NAA15: variants seen among roughly 807,000 people sequenced by gnomAD.
NAA15 encodes N-terminal acetyltransferase.
NAA15 carries 34 observed loss-of-function variants against 114.0 expected under a neutral mutation model. The ratio of observed to expected loss-of-function variants is 0.30; its 90% CI spans 0.23 to 0.40. The LOEUF (loss-of-function observed/expected upper bound fraction) is 0.40, where lower values mean the gene tolerates loss of function less well. NAA15 is among the 10% of genes least tolerant of loss of function. The probability of loss-of-function intolerance (pLI) is 1.00; values close to 1 mark genes in which losing one functional copy is unlikely to be tolerated. For missense variants in NAA15, 658 were observed against 1,004.5 expected (o/e 0.66, Z 4.66); for synonymous variants, 340 against 338.0 (o/e 1.01, Z -0.06).
At chr4:139,302,233 A>G in intron 1 of NAA15, 1 of 195,278 alleles carries the variant, frequency 5.1e-6, no homozygotes, top group Non-Finnish European at 1.0e-5. Flanking sequence ...TGGAAGGAAC[A>G]GGTGGTGCGG....
rs1407187137 is a variant in NAA15 at position 139,388,585 on chromosome 4, G to A, written c.*501G>A. ...TCTGACCATAGGAAGTATGCAATGTGAATCACTATTTACAGAGAAACCTAC... is the reference window on the plus strand; with the variant it reads ...TCTGACCATAGGAAGTATGCAATGTAAATCACTATTTACAGAGAAACCTAC... On this transcript the variant is annotated 3_prime_UTR_variant, in exon 20 of 20. Transcript: ENST00000296543. The A allele has an allele frequency of 6.5e-6, 1 of 154,924 alleles. No individual in the cohort carries two copies. The highest frequency in any genetic ancestry group is 1.9e-4 in the East Asian group (1 of 5,228). The allele number at this position is 154,924 out of a possible 1,614,324, so 9.6% of individuals were successfully genotyped here.
At chr4:139,371,790 CT>C (rs1748447645) in intron 15 of NAA15, among the ~76,000 whole-genome samples, 1 of 152,136 alleles carries the variant, frequency 6.6e-6, no homozygotes. Flanking sequence ...ATTACTACTA[CT>C]TTTACCACCT....
intron 15 of NAA15, among the ~76,000 whole-genome samples, chr4:139,371,497 G>GCGCGCACA (rs1389164527): frequency 1.8e-5 from 2 of 113,664 alleles, no homozygotes; most frequent in African/African-American, 6.3e-5. Context: ...AAGAAAAGTA[G>GCGCGCACA]CACACACACA....
intron 11 of NAA15, among the ~76,000 whole-genome samples, chr4:139,359,020 G>T (rs1401732230): frequency 6.6e-6 from 1 of 151,606 alleles, no homozygotes; most frequent in Non-Finnish European, 1.5e-5. Context: ...CAGGAGAATT[G>T]CTTGAACCCG....
intron 10 of NAA15, chr4:139,356,459 T>G (rs909747599): frequency 6.6e-6 from 1 of 152,194 alleles, no homozygotes; most frequent in African/African-American, 2.4e-5. Context: ...TTTCATTGGT[T>G]AATCATCATA....
intron 1 of NAA15, among the ~76,000 whole-genome samples, chr4:139,314,878 A>G (rs1176222831): frequency 6.6e-6 from 1 of 151,704 alleles, no homozygotes; most frequent in South Asian, 2.1e-4. Flanking sequence ...GGATTTCACC[A>G]TGTTGGCCAC....
chr4:139,372,125 C>T (rs1748460264), intron 15 of NAA15, among the ~76,000 whole-genome samples: 1 of 152,092 alleles, frequency 6.6e-6, no homozygotes, highest in Non-Finnish European at 1.5e-5. Flanking sequence ...ACTGTGTTAG[C>T]TAGGATGGTC....
At chr4:139,335,894 G>C (rs1313819149) in intron 2 of NAA15, among the ~76,000 whole-genome samples, 1 of 151,664 alleles carries the variant, frequency 6.6e-6, no homozygotes, top group Non-Finnish European at 1.5e-5. Context: ...CAACTAGCTG[G>C]CATTACAGGT....
chr4:139,325,042 C>G (rs990186830), intron 1 of NAA15, among the ~76,000 whole-genome samples: 2 of 152,056 alleles, frequency 1.3e-5, no homozygotes, highest in African/African-American at 4.8e-5. Flanking sequence ...GGATCTAAAA[C>G]TCAGTTACTG....
intron 17 of NAA15, 178 bp downstream of exon 17, chr4:139,379,032 A>G: frequency 4.6e-6 from 2 of 431,838 alleles, no homozygotes; most frequent in South Asian, 1.2e-4. Flanking sequence ...TAAGGATACA[A>G]GTATTACCTG....
At chr4:139,360,300 G>A (rs1748091669) in intron 12 of NAA15, among the ~76,000 whole-genome samples, 200 bp from the exon 13 acceptor site, 1 of 152,080 alleles carries the variant, frequency 6.6e-6, no homozygotes, top group Non-Finnish European at 1.5e-5. Context: ...AAGTTTCACA[G>A]TTTCACCTGT....
At chr4:139,317,691 T>A (rs1746460731) in intron 1 of NAA15, among the ~76,000 whole-genome samples, 1 of 152,216 alleles carries the variant, frequency 6.6e-6, no homozygotes, top group Non-Finnish European at 1.5e-5. Flanking sequence ...CTGTGTTTTT[T>A]ATGTGCTATG....
chr4:139,336,448 C>T (rs529337652), intron 2 of NAA15, among the ~76,000 whole-genome samples: 9 of 151,740 alleles, frequency 5.9e-5, no homozygotes, highest in East Asian at 1.9e-4. Flanking sequence ...GAGTTTAACC[C>T]GTATATAACC....
chr4:139,328,386 C>G (rs1746878789), intron 1 of NAA15, among the ~76,000 whole-genome samples: 1 of 151,112 alleles, frequency 6.6e-6, no homozygotes, highest in Non-Finnish European at 1.5e-5. Flanking sequence ...TTTGTATTTT[C>G]AGTAGAGACG....
At position 139,301,813 on chromosome 4, in the gene NAA15, G is replaced by T; in HGVS notation, c.36G>T (p.Ala12=). 1.3e-6 allele frequency: 2 copies of T among 1,593,418 alleles called. No homozygotes were observed. Among genetic ancestry groups the T allele is most frequent in the Non-Finnish European group, 1.7e-6 (2 of 1,169,744 alleles). The change falls in exon 1 of 20, where the codon GCG becomes GCT. Residue 12 remains alanine, a synonymous_variant. Transcript: ENST00000296543. ...TGAGCCTCCCGCCCAAGGAGAATGC[G>T]CTCTTCAAGCGGATCTTGGTAAGTG... ...PAVSLPPKEN[A]LFKRILRCYE...
chr4:139,311,698 C>G (rs1746229510), intron 1 of NAA15, among the ~76,000 whole-genome samples: 1 of 151,830 alleles, frequency 6.6e-6, no homozygotes, highest in Admixed American at 6.6e-5. Context: ...AGGGCTCAGC[C>G]ATACGTCATT....
chr4:139,375,522 T>C (rs1253458419), intron 15 of NAA15, among the ~76,000 whole-genome samples: 1 of 152,042 alleles, frequency 6.6e-6, no homozygotes, highest in Non-Finnish European at 1.5e-5. Context: ...TTTGGTGAAA[T>C]CACAATTACT....
chr4:139,372,214 C>A (rs1401472351), intron 15 of NAA15, among the ~76,000 whole-genome samples: 1 of 152,132 alleles, frequency 6.6e-6, no homozygotes, highest in Non-Finnish European at 1.5e-5. Context: ...CTGCGCCTGG[C>A]CCATGTATTT....
Position 139,349,598 on chromosome 4 carries a change from C to CT in NAA15, c.811+19dup, listed in dbSNP as rs758465414. 6.3e-7 allele frequency: 1 copy of CT among 1,584,532 alleles called. No homozygotes were observed. The highest frequency in any genetic ancestry group is 1.2e-5 in the South Asian group (1 of 84,472). ...TCAAGCCAGGTAGTATTGTTTAAAACTTACTAAGTTTTATTGTTTCTTTTG... is the reference window on the plus strand; with the variant it reads ...TCAAGCCAGGTAGTATTGTTTAAAACTTTACTAAGTTTTATTGTTTCTTTTG... On this transcript the variant is annotated intron_variant, in intron 7 of 19. Coordinates refer to ENST00000296543, the MANE Select transcript of NAA15 (RefSeq NM_057175.5).
Sources: gnomAD v4.1 joint callset for allele counts (sites outside exome capture counted in the v4.1 genomes callset) on GRCh38, gnomAD v4.1.1 for gene constraint, MANE v1.5 for transcripts, NCBI Gene and HGNC (gene_info 2026-07-23, HGNC 2026-07-21) for gene names.